Variants in LNPEP observed in about 807,000 individuals in gnomAD.
LNPEP encodes the protein leucyl-cystinyl aminopeptidase.
A neutral mutation model predicts 120.6 loss-of-function variants in LNPEP; 64 were observed. The ratio of observed to expected loss-of-function variants is 0.53; its 90% CI spans 0.43 to 0.65. LNPEP has a LOEUF of 0.65. LNPEP is among the 30% of genes least tolerant of loss of function. The pLI, the probability that LNPEP is intolerant of heterozygous loss-of-function variation, is 0.00. For missense variants in LNPEP, 1,057 were observed against 1,200.0 expected (o/e 0.88, Z 1.76); for synonymous variants, 435 against 425.4 (o/e 1.02, Z -0.28).
intron 16 of LNPEP, among the ~76,000 whole-genome samples, 188 bp from the exon 17 acceptor site, chr5:97,027,545 C>T (rs1021542841): frequency 1.3e-5 from 2 of 152,080 alleles, no homozygotes; most frequent in Non-Finnish European, 2.9e-5. Context: ...GAACTCTTCC[C>T]TTTTTCTGCC....
At chr5:96,986,970 A>G (rs1790258235) in intron 4 of LNPEP, among the ~76,000 whole-genome samples, 1 of 152,204 alleles carries the variant, frequency 6.6e-6, no homozygotes, top group Admixed American at 6.5e-5. Context: ...CTTAGGGGGA[A>G]TATTTAGATT....
chr5:96,937,416 TTTTC>T (rs1328895574), intron 1 of LNPEP: 1 of 152,236 alleles, frequency 6.6e-6, no homozygotes, highest in Non-Finnish European at 1.5e-5. Flanking sequence ...TAATTCTGAA[TTTTC>T]TTTCTCATTC....
chr5:97,008,258 A>G (rs552737530), intron 11 of LNPEP, among the ~76,000 whole-genome samples: 28 of 152,054 alleles, frequency 1.8e-4, no homozygotes, highest in African/African-American at 5.8e-4. Context: ...GTGCTATTAG[A>G]AATAATTGGG....
chr5:97,024,509 C>T lies in LNPEP; in HGVS notation c.2562-12C>T. The T allele has an allele frequency of 6.2e-7, 1 of 1,610,720 alleles. No homozygotes were observed. Among genetic ancestry groups the T allele is most frequent in the Non-Finnish European group, 8.5e-7 (1 of 1,178,414 alleles). On this transcript the variant is annotated splice_polypyrimidine_tract_variant and intron_variant, in intron 14 of 17. Coordinates refer to ENST00000231368, the MANE Select transcript of LNPEP (RefSeq NM_005575.3). The stretch of plus-strand genomic sequence containing the variant: ...TTCTTGTTATTCTCATGTTTGACCA[C>T]CTCTCTTACAGCCTACCTACTGATG...
At chr5:96,963,902 A>G (rs1338710227) in intron 1 of LNPEP, among the ~76,000 whole-genome samples, 1 of 152,154 alleles carries the variant, frequency 6.6e-6, no homozygotes, top group East Asian at 1.9e-4. Flanking sequence ...GAGAACATTC[A>G]AAAGTTTCTA....
At chr5:96,975,924 A>G (rs1356991255) in intron 1 of LNPEP, among the ~76,000 whole-genome samples, 1 of 152,138 alleles carries the variant, frequency 6.6e-6, no homozygotes, top group Non-Finnish European at 1.5e-5. Context: ...ACATGGGCCT[A>G]TGTTATTTAA....
chr5:96,983,411 T>A (rs949994293), intron 2 of LNPEP, among the ~76,000 whole-genome samples: 1 of 152,170 alleles, frequency 6.6e-6, no homozygotes, highest in African/African-American at 2.4e-5. Flanking sequence ...CCTTGTTTCT[T>A]TTTATGCTTT....
intron 11 of LNPEP, chr5:97,011,175 A>G: frequency 1.0e-6 from 1 of 985,328 alleles, no homozygotes; most frequent in Non-Finnish European, 1.2e-6. Context: ...TTTTATGGGC[A>G]AGGGAGACTT....
intron 1 of LNPEP, 139 bp downstream of exon 1, chr5:96,936,313 G>A (rs1788867559): frequency 1.7e-6 from 1 of 586,646 alleles, no homozygotes; most frequent in Non-Finnish European, 2.6e-6. Flanking sequence ...GAGGCAGGGA[G>A]AGGGGATCTG....
At chr5:96,971,959 A>T (rs1789875840) in intron 1 of LNPEP, among the ~76,000 whole-genome samples, 1 of 152,036 alleles carries the variant, frequency 6.6e-6, no homozygotes, top group South Asian at 2.1e-4. Context: ...CCACCTTAAG[A>T]TTGCTTTCTA....
chr5:96,989,276 T>TTA (rs1790315967), intron 4 of LNPEP, among the ~76,000 whole-genome samples: 2 of 137,592 alleles, frequency 1.5e-5, no homozygotes. Flanking sequence ...GATATATATA[T>TTA]TATATAATAT....
intron 4 of LNPEP, among the ~76,000 whole-genome samples, chr5:96,991,159 G>A (rs138351620): frequency 3.3e-5 from 5 of 152,188 alleles, no homozygotes; most frequent in African/African-American, 1.2e-4. Context: ...ACATACATAC[G>A]ATGTCTGGTT....
At chr5:96,963,650 A>G (rs1456250224) in intron 1 of LNPEP, among the ~76,000 whole-genome samples, 1 of 152,168 alleles carries the variant, frequency 6.6e-6, no homozygotes, top group African/African-American at 2.4e-5. Context: ...GCTGCATTCC[A>G]TTGATTAAAG....
chr5:97,011,742 A>G (rs1250786930), intron 11 of LNPEP, among the ~76,000 whole-genome samples: 1 of 152,198 alleles, frequency 6.6e-6, no homozygotes, highest in Non-Finnish European at 1.5e-5. Context: ...TATTTAACTG[A>G]TCTTTCCCAT....
intron 1 of LNPEP, chr5:96,943,225 A>T (rs1789102692): frequency 1.1e-5 from 2 of 175,138 alleles, no homozygotes; most frequent in Admixed American, 5.5e-5. Context: ...CAGTTGTTTA[A>T]AAAAAAAAAA....
At chr5:96,978,955 T>G (rs1393460270) in intron 1 of LNPEP, among the ~76,000 whole-genome samples, 183 bp from the exon 2 acceptor site, 1 of 152,214 alleles carries the variant, frequency 6.6e-6, no homozygotes, top group Non-Finnish European at 1.5e-5. Flanking sequence ...TGTTTTAGTT[T>G]TTAATGGATG....
At chr5:96,958,413 C>G (rs1789519989) in intron 1 of LNPEP, 1 of 924,720 alleles carries the variant, frequency 1.1e-6, no homozygotes, top group Non-Finnish European at 1.3e-6. Context: ...ATAGCTATAC[C>G]AAGCATAACT....
chr5:96,940,651 T>C (rs1308096887), intron 1 of LNPEP, among the ~76,000 whole-genome samples: 1 of 152,248 alleles, frequency 6.6e-6, no homozygotes, highest in Non-Finnish European at 1.5e-5. Flanking sequence ...TCTACTAATT[T>C]AGTGTAATAC....
intron 1 of LNPEP, among the ~76,000 whole-genome samples, chr5:96,967,056 C>A (rs1203058667): frequency 2.6e-5 from 4 of 152,018 alleles, no homozygotes. Context: ...CCGTGGAGAA[C>A]CCTCAGGTAT....
Sources: allele counts gnomAD v4.1 joint callset (sites outside exome capture counted in the v4.1 genomes callset), GRCh38; gene constraint gnomAD v4.1.1; transcripts MANE v1.5; gene names NCBI Gene and HGNC (gene_info 2026-07-23, HGNC 2026-07-21).